The following ATG7 variants were observed in gnomAD, a reference collection of about 807,000 sequenced individuals.
ATG7 encodes autophagy related 7.
In ATG7, 70 loss-of-function variants were observed where a neutral mutation model predicts 82.4. That is an observed-to-expected ratio of 0.85 (90% CI 0.70 to 1.04). The LOEUF is 1.04. Among genes scored for constraint, ATG7 ranks in the 50% least tolerant of loss-of-function variants. The pLI, the probability that ATG7 is intolerant of heterozygous loss-of-function variation, is 0.00. For synonymous variants in ATG7, 287 were observed against 313.0 expected, an observed-to-expected ratio of 0.92 and a Z score of 0.88; for missense variants, 792 against 864.3, an observed-to-expected ratio of 0.92 and a Z score of 1.05.
intron 12 of ATG7, among the ~76,000 whole-genome samples, chr3:11,341,263 T>C (rs145483162): frequency 1.4e-3 from 217 of 152,086 alleles, no homozygotes; most frequent in African/African-American, 5.0e-3. Context: ...GGTTTCACTG[T>C]GTTGCCCAGG....
chr3:11,332,868 T>C (rs1951849061), intron 10 of ATG7, 104 bp from the exon 11 acceptor site: 5 of 1,199,044 alleles, frequency 4.2e-6, no homozygotes, highest in East Asian at 3.0e-5. Context: ...TTAGAATGCA[T>C]TGAATTCTCT....
chr3:11,363,273 G>A (rs948948886), intron 17 of ATG7, among the ~76,000 whole-genome samples: 7 of 148,022 alleles, frequency 4.7e-5, no homozygotes, highest in East Asian at 3.9e-4. Flanking sequence ...ACGGAATTTC[G>A]CTCTTGTTGC....
At chr3:11,328,737 T>C (rs968680748) in intron 9 of ATG7, among the ~76,000 whole-genome samples, 2 of 152,206 alleles carry the variant, frequency 1.3e-5, no homozygotes, top group African/African-American at 4.8e-5. Context: ...TTACTCACAA[T>C]GGTTATAGAA....
At chr3:11,573,288 AAAGAAAGAAAGAAAGAAAGGAAGGAAGG>A in the ATG7 span, among the ~76,000 whole-genome samples, 745 of 11,682 alleles carry the variant, frequency 0.064, 82 homozygotes, top group South Asian at 0.17. Flanking sequence ...AGAAAGAAAG[AAAGAAAGAAAGAAAGAAAGGAAGGAAGG>A]AAGAAAGAAA....
intron 20 of ATG7, among the ~76,000 whole-genome samples, chr3:11,499,942 T>C (rs749356664): frequency 6.6e-6 from 1 of 152,056 alleles, no homozygotes; most frequent in Non-Finnish European, 1.5e-5. Flanking sequence ...CCAACAAATA[T>C]TTTATGAGCA....
intron 20 of ATG7, among the ~76,000 whole-genome samples, chr3:11,516,037 A>C (rs573128491): frequency 5.5e-4 from 83 of 152,038 alleles, no homozygotes; most frequent in African/African-American, 1.7e-3. Flanking sequence ...TTTTTAAAAA[A>C]AAAAAAAAAC....
At chr3:11,283,134 A>G (rs1302027067) in intron 3 of ATG7, among the ~76,000 whole-genome samples, 1 of 152,198 alleles carries the variant, frequency 6.6e-6, no homozygotes, top group African/African-American at 2.4e-5. Context: ...GCTGCCCTTT[A>G]GAACTTGTTC....
chr3:11,503,021 T>A (rs1219632775), intron 20 of ATG7, among the ~76,000 whole-genome samples: 3 of 152,228 alleles, frequency 2.0e-5, no homozygotes. Flanking sequence ...AATGTTTACA[T>A]ACCAGATACA....
chr3:11,342,109 G>A (rs1203722631), intron 12 of ATG7, 26 bp from the exon 13 acceptor site: 2 of 1,597,068 alleles, frequency 1.3e-6, no homozygotes, highest in Non-Finnish European at 1.7e-6. Flanking sequence ...AGGAGTGACT[G>A]AATAAGTAAA....
chr3:11,296,472 G>C (rs1211869722), intron 3 of ATG7, among the ~76,000 whole-genome samples: 1 of 151,922 alleles, frequency 6.6e-6, no homozygotes, highest in Non-Finnish European at 1.5e-5. Context: ...TTACTCCTCT[G>C]CTCTAATCCA....
rs111368123 is a variant in ATG7, at chr3:11,320,240, A to C, written c.678+4747A>C. On this transcript the variant is annotated intron_variant, in intron 9 of 20. Transcript: ENST00000693202. The stretch of plus-strand genomic sequence containing the variant: ...GAAACCTTCCCTGACCTCTATAAAA[A>C]GGTTTATTCCTTCTGTTGCGAGCTC... 2.7e-3 allele frequency among the ~76,000 whole-genome samples: 404 copies of C among 150,800 alleles called. 1 individual carries two copies. Among genetic ancestry groups the C allele is most frequent in the African/African-American group, 9.3e-3 (384 of 41,114 alleles).
In ATG7 at chr3:11,449,061, T is replaced by C. The variant is rs2084854816; in HGVS notation, c.2079+22135T>C. 2.0e-5 allele frequency among the ~76,000 whole-genome samples: 3 copies of C among 152,232 alleles called. No individual in the cohort carries two copies. In the South Asian group the frequency reaches 6.2e-4, roughly 32 times the overall value. The stretch of plus-strand genomic sequence containing the variant: ...TCCTTCCCTTCATTGAACTTACAAA[T>C]GGGAGGGAGATGAGTGCTAAAGCAG... On this transcript the variant is annotated intron_variant, in intron 20 of 20. Transcript: ENST00000693202.
At chr3:11,568,877 C>G in the ATG7 span, 2 of 1,346,556 alleles carry the variant, frequency 1.5e-6, no homozygotes, top group Non-Finnish European at 1.9e-6. The surrounding 1 kb of genome is among the most constrained non-coding windows in gnomAD (Gnocchi z 5.9). Flanking sequence ...TGAGGCTGCA[C>G]GGCACCCGGC....
chr3:11,340,571 G>T, intron 11 of ATG7, 74 bp from the exon 12 acceptor site: 2 of 1,329,016 alleles, frequency 1.5e-6, no homozygotes, highest in East Asian at 2.5e-5. Flanking sequence ...TCTTTTTTAT[G>T]TAAGGTCGTT....
chr3:11,525,448 AT>A (rs11310291), intron 20 of ATG7, among the ~76,000 whole-genome samples: 65,856 of 121,030 alleles, frequency 0.54, 17,101 homozygotes, highest in East Asian at 0.62. Context: ...AAGACATGTG[AT>A]TTTTTTTTTT....
At chr3:11,334,440 C>T (rs561129635) in intron 11 of ATG7, among the ~76,000 whole-genome samples, 11 of 151,620 alleles carry the variant, frequency 7.3e-5, no homozygotes, top group Middle Eastern at 3.4e-3. Flanking sequence ...AGACAGGTTT[C>T]ACCATGTTGG....
chr3:11,372,332 T>G lies in ATG7; in HGVS notation c.1875+7598T>G, dbSNP rs572338420. Among the ~76,000 whole-genome samples, 107 of 151,252 alleles carry G rather than the reference T, an allele frequency of 7.1e-4. 3 individuals carry two copies. Among genetic ancestry groups the G allele is most frequent in the South Asian group, 4.4e-3 (21 of 4,768 alleles). On this transcript the variant is annotated intron_variant, in intron 18 of 20. Transcript: ENST00000693202. ...AATTTTTTTTTTCTAGACGTTTCTA[T>G]GGAACACTAATGTTGGTGATTATTT...
rs541627066 is a variant in ATG7, at chr3:11,451,708, G to A, written c.2079+24782G>A. 2.0e-5 allele frequency among the ~76,000 whole-genome samples: 3 copies of A among 147,804 alleles called. No homozygotes were observed. In the East Asian group the frequency reaches 6.1e-4, roughly 30 times the overall value. ...ATGAAGGCGGACACAGATTTTATAC[G>A]AATTTGTAATGCTAACATCTAGCAT... On this transcript the variant is annotated intron_variant, in intron 20 of 20. Transcript: ENST00000693202.
At position 11,525,421 on chromosome 3, in the gene ATG7, C is replaced by T. The variant is rs184867568; in HGVS notation, c.2080-29390C>T. Among the ~76,000 whole-genome samples the T allele has an allele frequency of 1.5e-3, 219 of 148,384 alleles. 11 individuals are homozygous for T. The highest frequency in any genetic ancestry group is 5.4e-3 in the African/African-American group (213 of 39,516). ...TTTAGCCTGAATGATTAACTTTACT[C>T]ATAAGAGGTTCACAGTAAGACATGT... On this transcript the variant is annotated intron_variant, in intron 20 of 20. Coordinates refer to ENST00000693202, the MANE Select transcript of ATG7 (RefSeq NM_001349232.2).
Sources: gnomAD v4.1 joint callset for allele counts (sites outside exome capture counted in the v4.1 genomes callset) on GRCh38, gnomAD v4.1.1 for gene constraint, Gnocchi (gnomAD v3.1) non-coding constraint, MANE v1.5 for transcripts, NCBI Gene and HGNC (gene_info 2026-07-23, HGNC 2026-07-21) for gene names.